The following CSMD1 variants were observed in gnomAD, a reference collection of about 807,000 sequenced individuals.
CSMD1 encodes the protein CUB and sushi domain-containing protein 1.
CSMD1 carries 213 observed loss-of-function variants against 417.5 expected under a neutral mutation model. The observed-to-expected ratio is 0.51, with a 90% CI of 0.46 to 0.57. The LOEUF (loss-of-function observed/expected upper bound fraction) is 0.57. CSMD1 is among the 20% of genes least tolerant of loss of function. The probability of loss-of-function intolerance (pLI) is 0.00; values close to 1 mark genes in which losing one functional copy is unlikely to be tolerated. For missense variants in CSMD1, 6,923 were observed against 4,529.7 expected (o/e 1.53, Z -15.17); for synonymous variants, 2,862 against 1,736.8 (o/e 1.65, Z -16.11).
chr8:2,973,348 T>G lies in CSMD1; in HGVS notation c.8741-49A>C, dbSNP rs750342449. On this transcript the variant is annotated intron_variant, in intron 56 of 69. Coordinates refer to ENST00000635120, the MANE Select transcript of CSMD1 (RefSeq NM_033225.6). ...CAATCCACAATTGTGTTAGACTTGT[T>G]TTAAGCAGAGTTGTCACACTTAAAG... The G allele has an allele frequency of 2.5e-6, 4 of 1,569,486 alleles. No homozygotes were observed. The South Asian group carries it at 4.6e-5, about 18-fold the overall frequency.
At chr8:3,674,792 G>A (rs921816979) in intron 7 of CSMD1, among the ~76,000 whole-genome samples, 11 of 152,110 alleles carry the variant, frequency 7.2e-5, no homozygotes, top group African/African-American at 2.7e-4. Context: ...TTTTCAAAGA[G>A]GTGAAACCAA....
chr8:4,006,064 T>C (rs1816085058), intron 4 of CSMD1, among the ~76,000 whole-genome samples: 1 of 152,198 alleles, frequency 6.6e-6, no homozygotes, highest in Non-Finnish European at 1.5e-5. Flanking sequence ...AGGAATGAGC[T>C]GGAGGAAGAG....
Position 4,796,103 on chromosome 8 carries a change from G to C in CSMD1, c.86-158545C>G, listed in dbSNP as rs375865208. The stretch of plus-strand genomic sequence containing the variant: ...ACAAGTAAATGTTCTTATTCCACAA[G>C]GAGTTTACTGTCTGTGGAGAGATCC... On this transcript the variant is annotated intron_variant, in intron 1 of 69. Transcript: ENST00000635120. Among the ~76,000 whole-genome samples, 264 of 152,196 alleles carry C rather than the reference G, an allele frequency of 1.7e-3. 2 individuals carry two copies. The highest frequency in any genetic ancestry group is 0.015 in the South Asian group (70 of 4,814).
intron 5 of CSMD1, among the ~76,000 whole-genome samples, chr8:3,848,119 T>C (rs545437049): frequency 3.3e-5 from 5 of 152,142 alleles, no homozygotes; most frequent in African/African-American, 1.2e-4. Flanking sequence ...AGTGCTCATA[T>C]TGAATTTATT....
chr8:4,537,272 T>A (rs565418636), intron 2 of CSMD1, among the ~76,000 whole-genome samples: 1 of 152,300 alleles, frequency 6.6e-6, no homozygotes, highest in African/African-American at 2.4e-5. Context: ...AGAAATAAAT[T>A]ATCCATCTGG....
Position 3,872,395 on chromosome 8 carries a change from G to A in CSMD1, c.819-118353C>T, listed in dbSNP as rs150834735. 7.2e-5 allele frequency among the ~76,000 whole-genome samples: 11 copies of A among 152,254 alleles called. No individual in the cohort carries two copies. The East Asian group carries it at 1.5e-3, about 21-fold the overall frequency. The stretch of plus-strand genomic sequence containing the variant: ...GTCCCTGCTTCAGTGACTCTCAACT[G>A]TTCATTACTACCTTCCTGAAGTGTC... On this transcript the variant is annotated intron_variant, in intron 5 of 69. Coordinates refer to ENST00000635120, the MANE Select transcript of CSMD1 (RefSeq NM_033225.6).
intron 1 of CSMD1, among the ~76,000 whole-genome samples, chr8:4,814,241 C>T (rs1010291067): frequency 4.6e-5 from 7 of 151,840 alleles, no homozygotes; most frequent in South Asian, 2.1e-4. Context: ...CGCATGTGCG[C>T]GTGTGTGTAT....
chr8:3,008,949 C>G (rs988692686), intron 52 of CSMD1, among the ~76,000 whole-genome samples: 17 of 152,158 alleles, frequency 1.1e-4, no homozygotes, highest in Non-Finnish European at 1.9e-4. Context: ...GAGTCTCCGA[C>G]AAGTACCTAG....
intron 12 of CSMD1, among the ~76,000 whole-genome samples, chr8:3,434,699 G>C (rs781021908): frequency 2.6e-5 from 4 of 152,030 alleles, no homozygotes; most frequent in African/African-American, 7.2e-5. Context: ...CTGCCCCATA[G>C]ACTTCATTTT....
At chr8:3,104,625 C>G (rs144489712) in intron 46 of CSMD1, among the ~76,000 whole-genome samples, 66 of 152,044 alleles carry the variant, frequency 4.3e-4, no homozygotes, top group African/African-American at 1.5e-3. Context: ...ATGTAGAAGA[C>G]TGTTTCTCTC....
intron 1 of CSMD1, among the ~76,000 whole-genome samples, chr8:4,706,876 T>A (rs1163982728): frequency 1.3e-5 from 2 of 152,204 alleles, no homozygotes; most frequent in Admixed American, 6.5e-5. Context: ...GCAAGGGCAG[T>A]TCAGTGAAAT....
At chr8:3,873,110 G>A (rs1341848357) in intron 5 of CSMD1, among the ~76,000 whole-genome samples, 2 of 151,946 alleles carry the variant, frequency 1.3e-5, no homozygotes, top group Non-Finnish European at 2.9e-5. Flanking sequence ...TGGTGGGAGT[G>A]TAAATTAGTT....
chr8:4,307,848 C>G (rs1394406602), intron 3 of CSMD1, among the ~76,000 whole-genome samples: 1 of 152,112 alleles, frequency 6.6e-6, no homozygotes, highest in African/African-American at 2.4e-5. Flanking sequence ...TGGTGAAACT[C>G]AACAGAAATC....
intron 1 of CSMD1, among the ~76,000 whole-genome samples, chr8:4,902,006 A>C (rs182901223): frequency 1.3e-5 from 2 of 152,344 alleles, no homozygotes; most frequent in East Asian, 1.9e-4. Flanking sequence ...AAGAGGCTGT[A>C]AGGAAATGCA....
intron 49 of CSMD1, among the ~76,000 whole-genome samples, chr8:3,075,994 T>A (rs1485861987): frequency 6.7e-6 from 1 of 149,260 alleles, no homozygotes; most frequent in Non-Finnish European, 1.5e-5. Flanking sequence ...CAGCTTGCAG[T>A]GAGCCGAGAT....
intron 1 of CSMD1, among the ~76,000 whole-genome samples, chr8:4,931,065 T>A (rs75848856): frequency 6.6e-6 from 1 of 152,214 alleles, no homozygotes; most frequent in African/African-American, 2.4e-5. Context: ...TTATCTGTAA[T>A]AATTGGCTTG....
At chr8:4,071,920 A>C (rs181724716) in intron 3 of CSMD1, among the ~76,000 whole-genome samples, 85 of 152,296 alleles carry the variant, frequency 5.6e-4, no homozygotes, top group African/African-American at 2.0e-3. Flanking sequence ...CTCAAGAGTC[A>C]AAGTCTGGGC....
At chr8:4,456,556 G>A (rs73512801) in intron 2 of CSMD1, among the ~76,000 whole-genome samples, 1,993 of 152,240 alleles carry the variant, frequency 0.013, 48 homozygotes, top group African/African-American at 0.045. Context: ...ACTTTGGGTA[G>A]AACTGAAAAC....
At chr8:3,256,049 C>T (rs1007466171) in intron 26 of CSMD1, among the ~76,000 whole-genome samples, 18 of 152,154 alleles carry the variant, frequency 1.2e-4, no homozygotes, top group Admixed American at 5.2e-4. Flanking sequence ...ATGACTGAGC[C>T]GGGTGAGGTG....
Sources: allele counts gnomAD v4.1 joint callset (sites outside exome capture counted in the v4.1 genomes callset), GRCh38; gene constraint gnomAD v4.1.1; transcripts MANE v1.5; gene names NCBI Gene and HGNC (gene_info 2026-07-23, HGNC 2026-07-21).